The following TACC2 variants were observed in gnomAD, a reference collection of about 807,000 sequenced individuals.
The protein encoded by TACC2 is transforming acidic coiled-coil-containing protein 2.
Under a neutral mutation model 227.3 loss-of-function variants are expected in TACC2, and 137 were observed. That is an observed-to-expected ratio of 0.60 (90% CI 0.52 to 0.69). The LOEUF (loss-of-function observed/expected upper bound fraction) is 0.69. TACC2 is among the 30% of genes least tolerant of loss of function. TACC2 has a pLI of 0.00. For synonymous variants in TACC2, 1,523 were observed against 1,487.5 expected (o/e 1.02, Z -0.55); for missense variants, 3,470 against 3,694.4 (o/e 0.94, Z 1.57).
intron 16 of TACC2, 118 bp downstream of exon 16, chr10:122,230,558 C>T (rs1458115211): frequency 1.8e-5 from 16 of 892,026 alleles, no homozygotes; most frequent in Middle Eastern, 6.0e-4. Context: ...AGCAAAGAGT[C>T]GTTTCCAAAA....
intron 7 of TACC2, among the ~76,000 whole-genome samples, chr10:122,176,109 CTCTCTCTCTATATATATATATATATA>C (rs1227682363): frequency 1.6e-4 from 11 of 68,074 alleles, no homozygotes; most frequent in African/African-American, 8.1e-4. Context: ...CTCTCTCTCT[CTCTCTCTCTATATATATATATATATA>C]TATATATATA....
chr10:122,202,259 CTG>C (rs2094891284), intron 8 of TACC2, among the ~76,000 whole-genome samples: 2 of 148,568 alleles, frequency 1.3e-5, no homozygotes, highest in Admixed American at 1.3e-4. Flanking sequence ...CATCAGATAA[CTG>C]TGTTTTAATA....
chr10:122,025,492 A>T (rs183472961), intron 2 of TACC2, among the ~76,000 whole-genome samples: 2 of 151,832 alleles, frequency 1.3e-5, no homozygotes, highest in East Asian at 3.9e-4. Flanking sequence ...TGAACTCCTG[A>T]CCTCGTGATC....
At chr10:122,213,258 C>T in intron 9 of TACC2, 3 of 1,429,938 alleles carry the variant, frequency 2.1e-6, no homozygotes, top group South Asian at 1.1e-5. Context: ...TATCCTAACC[C>T]ATTAATAACC....
At position 122,248,644 on chromosome 10, in the gene TACC2, G is replaced by A. The variant is rs1478990548; in HGVS notation, c.8394G>A (p.Glu2798=). ...EYEKTIAQMI[E]DEQREKSVSH... ...TTGGCTCCTGGTCTCTCCTGCCAGAGGACGAACAGAGAGAGAAGTCAGTCT... is the reference window on the plus strand; with the variant it reads ...TTGGCTCCTGGTCTCTCCTGCCAGAAGACGAACAGAGAGAGAAGTCAGTCT... Residue 2798 remains glutamate (E), a splice_region_variant and synonymous_variant, in exon 20 of 23, where the codon GAG becomes GAA. Coordinates refer to ENST00000369005, the MANE Select transcript of TACC2 (RefSeq NM_206862.4). 6.2e-7 allele frequency: 1 copy of A among 1,612,744 alleles called. No individual in the cohort carries two copies. The highest frequency in any genetic ancestry group is 2.2e-5 in the East Asian group (1 of 44,896).
intron 2 of TACC2, among the ~76,000 whole-genome samples, chr10:122,035,558 A>G (rs2459067): frequency 0.053 from 8,081 of 152,258 alleles, 279 homozygotes; most frequent in Admixed American, 0.11. Flanking sequence ...AAAATTTCCA[A>G]TGGTAACCAT....
chr10:122,059,242 C>T (rs928360517), intron 3 of TACC2, among the ~76,000 whole-genome samples: 1 of 151,870 alleles, frequency 6.6e-6, no homozygotes, highest in African/African-American at 2.4e-5. Context: ...ATAAGCACCC[C>T]AGGTGATTCT....
At position 122,203,463 on chromosome 10, in the gene TACC2, C is replaced by T. The variant is rs550766809; in HGVS notation, c.5972-6934C>T. 1.5e-3 allele frequency among the ~76,000 whole-genome samples: 229 copies of T among 151,358 alleles called. 1 individual carries two copies. The highest frequency in any genetic ancestry group is 4.3e-4 in the Non-Finnish European group (29 of 67,566). On this transcript the variant is annotated intron_variant, in intron 8 of 22. Transcript: ENST00000369005. The stretch of plus-strand genomic sequence containing the variant: ...GGACGAGGTGGCTGCCGGGTGGAGA[C>T]GCTCCTCACTTCCCAGACGGGGCGG...
At chr10:122,093,927 C>A (rs914361986) in intron 5 of TACC2, among the ~76,000 whole-genome samples, 3 of 152,208 alleles carry the variant, frequency 2.0e-5, no homozygotes, top group Non-Finnish European at 4.4e-5. Flanking sequence ...ACAGACCCTG[C>A]AGGAATCTGT....
At chr10:122,129,469 G>A (rs577697543) in intron 5 of TACC2, among the ~76,000 whole-genome samples, 2 of 152,146 alleles carry the variant, frequency 1.3e-5, no homozygotes, top group East Asian at 1.9e-4. Flanking sequence ...TTTTGCTATC[G>A]TGATTCCAGT....
chr10:122,224,579 G>C, intron 11 of TACC2, 147 bp from the exon 12 acceptor site: 1 of 663,166 alleles, frequency 1.5e-6, no homozygotes, highest in Admixed American at 2.4e-5. Context: ...GGCTATATGA[G>C]AAGTCTCTAG....
chr10:122,085,853 C>T lies in TACC2; in HGVS notation c.3353C>T (p.Pro1118Leu), dbSNP rs769825628. 1.9e-6 allele frequency: 3 copies of T among 1,613,030 alleles called. No individual in the cohort carries two copies. Among genetic ancestry groups the T allele is most frequent in the Admixed American group, 3.3e-5 (2 of 59,922 alleles). ...TCCCCAAAGCTTCTTGCAAGTTTCC[C>T]ATCAGCTGGGGAGCAAGGTGGTGAA... ...AESPKLLASFPSAGEQGGEAG... is the reference protein window; with the variant it reads ...AESPKLLASFLSAGEQGGEAG... Residue 1118 changes from proline to leucine, a missense_variant, in exon 4 of 23, where the codon CCA becomes CTA. Around this residue, in one of 10 missense-constraint regions of TACC2, gnomAD observed 1,924 missense variants for 1,978.3 expected, o/e 0.97. Coordinates refer to ENST00000369005, the MANE Select transcript of TACC2 (RefSeq NM_206862.4).
intron 7 of TACC2, among the ~76,000 whole-genome samples, chr10:122,168,957 T>A (rs1050242140): frequency 6.6e-6 from 1 of 152,242 alleles, no homozygotes; most frequent in Non-Finnish European, 1.5e-5. Context: ...TGGTGAGGAC[T>A]TAGGCATTGT....
At chr10:122,076,127 G>A (rs2078778946) in intron 3 of TACC2, among the ~76,000 whole-genome samples, 1 of 152,140 alleles carries the variant, frequency 6.6e-6, no homozygotes, top group East Asian at 1.9e-4. Flanking sequence ...TGGAGGCTGA[G>A]AAGTCCAAGG....
intron 3 of TACC2, among the ~76,000 whole-genome samples, chr10:122,072,449 G>T (rs939663784): frequency 3.3e-5 from 5 of 152,196 alleles, no homozygotes; most frequent in Admixed American, 3.3e-4. Context: ...GGCTTCTGTG[G>T]GGAGGGTTGT....
At chr10:122,011,302 C>T (rs1045888778) in intron 1 of TACC2, among the ~76,000 whole-genome samples, 2 of 152,084 alleles carry the variant, frequency 1.3e-5, no homozygotes, top group Non-Finnish European at 2.9e-5. Context: ...CAGCCCTGCA[C>T]TGCTCTTATG....
Position 122,229,426 on chromosome 10 carries a change from T to G in TACC2, c.7977T>G (p.Leu2659=). The G allele has an allele frequency of 6.2e-7, 1 of 1,614,036 alleles. No homozygotes were observed. The highest frequency in any genetic ancestry group is 8.5e-7 in the Non-Finnish European group (1 of 1,180,020). Residue 2659 remains leucine (L), a synonymous_variant, in exon 15 of 23, where the codon CTT becomes CTG. Coordinates refer to ENST00000369005, the MANE Select transcript of TACC2 (RefSeq NM_206862.4). The part of the protein sequence containing the change: ...LAHPVSLCGA[L]DYLEPDLAEK... The stretch of plus-strand genomic sequence containing the variant: ...ACCCCGTCTCTCTCTGTGGTGCACT[T>G]GACTATCTGGAGCCCGACTTAGCAG...
intron 3 of TACC2, among the ~76,000 whole-genome samples, chr10:122,059,196 G>A (rs536872153): frequency 2.6e-5 from 4 of 152,064 alleles, no homozygotes; most frequent in South Asian, 2.1e-4. Flanking sequence ...GATTATAGGC[G>A]TGAGCCACCA....
At chr10:122,179,451 T>C (rs2093882968) in intron 7 of TACC2, among the ~76,000 whole-genome samples, 1 of 152,232 alleles carries the variant, frequency 6.6e-6, no homozygotes, top group South Asian at 2.1e-4. Flanking sequence ...TAAAAAGCAA[T>C]GCCTTTTTTA....
Sources: allele counts gnomAD v4.1 joint callset (sites outside exome capture counted in the v4.1 genomes callset), GRCh38; gene constraint gnomAD v4.1.1; regional missense constraint gnomAD v4.1.1; transcripts MANE v1.5; gene names NCBI Gene and HGNC (gene_info 2026-07-23, HGNC 2026-07-21).